The following DSCAML1 variants were observed in gnomAD, a reference collection of about 807,000 sequenced individuals.
DSCAML1 encodes the protein cell adhesion molecule DSCAML1.
Under a neutral mutation model 200.5 loss-of-function variants are expected in DSCAML1, and 38 were observed. The ratio of observed to expected loss-of-function variants is 0.19; its 90% CI spans 0.15 to 0.25. The LOEUF is 0.25. Ranked by LOEUF, DSCAML1 falls within the 10% of genes least tolerant of loss-of-function variation. DSCAML1 has a pLI of 1.00. For missense variants in DSCAML1, 2,223 were observed against 2,858.8 expected, an observed-to-expected ratio of 0.78 and a Z score of 5.07; for synonymous variants, 1,215 against 1,165.0, an observed-to-expected ratio of 1.04 and a Z score of -0.87.
At chr11:117,797,307 C>T (rs879582664), upstream of DSCAML1, 1,646 of 1,313,570 alleles carry the variant, frequency 1.3e-3, 1 homozygote, top group Non-Finnish European at 1.5e-3. Context: ...CCCGCGGCAC[C>T]CCGGGTGGTG....
At position 117,480,589 on chromosome 11, in the gene DSCAML1, A is replaced by AG. The variant is rs1172843555; in HGVS notation, c.2657-19dup. ...GGGGGGCTCTAGGGTGCGGCAGTGG[A>AG]GGGGAGGGAAGTGAGGAGGGCAGCA... On this transcript the variant is annotated intron_variant, in intron 13 of 32. Coordinates refer to ENST00000651296, the MANE Select transcript of DSCAML1 (RefSeq NM_020693.4). The surrounding 1 kb of genome is among the most constrained non-coding windows in gnomAD (Gnocchi z 4.1). 3.2e-6 allele frequency: 5 copies of AG among 1,551,728 alleles called. No individual in the cohort carries two copies. The Middle Eastern group carries it at 5.1e-4, about 158-fold the overall frequency.
At chr11:117,634,217 G>A (rs1300832474) in intron 3 of DSCAML1, among the ~76,000 whole-genome samples, 3 of 152,152 alleles carry the variant, frequency 2.0e-5, no homozygotes, top group South Asian at 2.1e-4. Context: ...AGGAGAGTGT[G>A]GACGGGAGCT....
chr11:117,486,445 A>ATGGGAAAGTGGCG (rs2049065264), intron 11 of DSCAML1, among the ~76,000 whole-genome samples: 1 of 149,878 alleles, frequency 6.7e-6, no homozygotes, highest in Admixed American at 6.6e-5. Flanking sequence ...TGAAAGTGGC[A>ATGGGAAAGTGGCG]GATATGAAAG....
At chr11:117,620,145 G>T (rs954775083) in intron 3 of DSCAML1, among the ~76,000 whole-genome samples, 2 of 152,114 alleles carry the variant, frequency 1.3e-5, no homozygotes, top group African/African-American at 4.8e-5. Context: ...ATATGTGAAC[G>T]ATTCCTAAAC....
intron 11 of DSCAML1, among the ~76,000 whole-genome samples, chr11:117,492,707 C>T (rs1044324629): frequency 6.6e-6 from 1 of 152,162 alleles, no homozygotes; most frequent in Non-Finnish European, 1.5e-5. Flanking sequence ...GCATTGTTGG[C>T]GCGCCGGGTG....
chr11:117,656,537 A>ATCTG (rs901904697), intron 3 of DSCAML1, among the ~76,000 whole-genome samples: 1 of 151,964 alleles, frequency 6.6e-6, no homozygotes, highest in East Asian at 1.9e-4. Context: ...CTATCTATCT[A>ATCTG]TCTATCTATC....
chr11:117,547,610 C>T (rs2050399635), intron 3 of DSCAML1, among the ~76,000 whole-genome samples: 1 of 152,168 alleles, frequency 6.6e-6, no homozygotes, highest in Non-Finnish European at 1.5e-5. Flanking sequence ...CTCATGGAGC[C>T]CTGCTCCCTG....
intron 3 of DSCAML1, among the ~76,000 whole-genome samples, chr11:117,729,044 G>C (rs2054177905): frequency 6.6e-6 from 1 of 152,202 alleles, no homozygotes; most frequent in Non-Finnish European, 1.5e-5. Flanking sequence ...CGGTAATCAA[G>C]ATAGTGTGGT....
In DSCAML1 at chr11:117,780,134, A is replaced by G. The variant is rs1357043519; in HGVS notation, c.364+359T>C. Among the ~76,000 whole-genome samples the G allele has an allele frequency of 6.6e-6, 1 of 150,834 alleles. No individual in the cohort carries two copies. Among genetic ancestry groups the G allele is most frequent in the Non-Finnish European group, 1.5e-5 (1 of 67,850 alleles). On this transcript the variant is annotated intron_variant, in intron 2 of 32. Transcript: ENST00000651296. This position sits in a 1 kb window ranked among gnomAD's most constrained non-coding sequence, Gnocchi z 4.8. ...AGAGTGAGGCTCTGTCTCAAAAAGC[A>G]AAAAGAAAGAGAGAGAGAGAGAGAG...
At chr11:117,447,038 C>T (rs2048193517) in intron 20 of DSCAML1, among the ~76,000 whole-genome samples, 1 of 152,046 alleles carries the variant, frequency 6.6e-6, no homozygotes, top group African/African-American at 2.4e-5. Flanking sequence ...GCCTATAATC[C>T]CAGCACTTTG....
upstream of DSCAML1, among the ~76,000 whole-genome samples, chr11:117,798,904 T>C (rs1892903): frequency 0.54 from 82,200 of 151,976 alleles, 22,893 homozygotes; most frequent in African/African-American, 0.68. Context: ...GGCTCAGCTC[T>C]TCATGCAAAA....
chr11:117,576,021 G>A (rs772324373), intron 3 of DSCAML1, among the ~76,000 whole-genome samples: 80 of 152,098 alleles, frequency 5.3e-4, no homozygotes, highest in Non-Finnish European at 1.0e-3. Context: ...GCCAGAGCCC[G>A]AGTGCCCAGC....
At chr11:117,650,700 T>TGTGTGCAC (rs147584706) in intron 3 of DSCAML1, among the ~76,000 whole-genome samples, 36 of 147,462 alleles carry the variant, frequency 2.4e-4, no homozygotes, top group African/African-American at 8.0e-4. Flanking sequence ...TGTGTGTGTG[T>TGTGTGCAC]GCGTGTGTGT....
intron 11 of DSCAML1, among the ~76,000 whole-genome samples, chr11:117,487,804 G>A (rs1316387068): frequency 6.6e-6 from 1 of 152,148 alleles, no homozygotes; most frequent in Non-Finnish European, 1.5e-5. Flanking sequence ...GGGAAGGGAA[G>A]ACCTCCTACT....
chr11:117,678,625 G>A (rs1282811545), intron 3 of DSCAML1, among the ~76,000 whole-genome samples: 2 of 152,230 alleles, frequency 1.3e-5, no homozygotes, highest in Non-Finnish European at 2.9e-5. Flanking sequence ...AGTCCTGAAG[G>A]TAGTGAGTGA....
chr11:117,435,263 T>C (rs2047890056), intron 27 of DSCAML1, among the ~76,000 whole-genome samples: 1 of 152,240 alleles, frequency 6.6e-6, no homozygotes, highest in South Asian at 2.1e-4. Flanking sequence ...AGGTCTATTC[T>C]TTAGTGAATG....
chr11:117,705,029 C>T (rs1460516978), intron 3 of DSCAML1, among the ~76,000 whole-genome samples: 9 of 152,154 alleles, frequency 5.9e-5, no homozygotes, highest in Non-Finnish European at 5.9e-5. Context: ...ACTCTGCGTA[C>T]CCACGCCGAG....
chr11:117,775,127 C>G (rs1051127012), intron 3 of DSCAML1, among the ~76,000 whole-genome samples: 4 of 152,210 alleles, frequency 2.6e-5, no homozygotes, highest in Admixed American at 2.6e-4. Flanking sequence ...ATTGGGGCTT[C>G]TCCCAGGGTA....
At chr11:117,765,015 C>T (rs140215064) in intron 3 of DSCAML1, among the ~76,000 whole-genome samples, 140 of 152,342 alleles carry the variant, frequency 9.2e-4, no homozygotes, top group African/African-American at 2.9e-3. Context: ...TGCTTCTCAG[C>T]GGTCTCTTCA....
Sources: allele counts gnomAD v4.1 joint callset (sites outside exome capture counted in the v4.1 genomes callset), GRCh38; gene constraint gnomAD v4.1.1; non-coding constraint Gnocchi (gnomAD v3.1); transcripts MANE v1.5; gene names NCBI Gene and HGNC (gene_info 2026-07-23, HGNC 2026-07-21).